Variants in FAT4 observed in about 807,000 individuals in gnomAD.
The protein encoded by FAT4 is FAT atypical cadherin 4.
In FAT4, 84 loss-of-function variants were observed where a neutral mutation model predicts 303.9. That is an observed-to-expected ratio of 0.28 (90% CI 0.23 to 0.33). FAT4 has a LOEUF of 0.33. Among genes scored for constraint, FAT4 ranks in the 10% least tolerant of loss-of-function variants. The probability of loss-of-function intolerance (pLI) is 1.00; values close to 1 mark genes in which losing one functional copy is unlikely to be tolerated. For synonymous variants in FAT4, 2,307 were observed against 2,298.8 expected (o/e 1.00, Z -0.10); for missense variants, 6,005 against 6,146.8 (o/e 0.98, Z 0.77).
chr4:125,488,504 G>T (rs1290213201), intron 17 of FAT4, among the ~76,000 whole-genome samples: 1 of 152,180 alleles, frequency 6.6e-6, no homozygotes, highest in Admixed American at 6.5e-5. Context: ...TGGCTGAGGA[G>T]TTAGAAAGAA....
Position 125,320,233 on chromosome 4 carries a change from C to T in FAT4, c.3822C>T (p.Asp1274=), listed in dbSNP as rs1730875855. Reference sequence around the variant, plus strand: ...AGGTAACACTAATTGGCAAATTAGACTATGAAGCAACACCTGCCTATTCCC... The same window carrying T: ...AGGTAACACTAATTGGCAAATTAGATTATGAAGCAACACCTGCCTATTCCC... ...SGQVTLIGKL[D]YEATPAYSLV... The change falls in exon 2 of 18, where the codon GAC becomes GAT. Residue 1274 remains aspartate, a synonymous_variant. Transcript: ENST00000394329. The T allele has an allele frequency of 1.5e-5, 25 of 1,614,006 alleles. No homozygotes were observed. The highest frequency in any genetic ancestry group is 2.1e-5 in the Non-Finnish European group (25 of 1,179,986).
Position 125,319,379 on chromosome 4 carries a change from A to G in FAT4, c.2968A>G (p.Asn990Asp). The G allele has an allele frequency of 6.2e-7, 1 of 1,613,198 alleles. No homozygotes were observed. Among genetic ancestry groups the G allele is most frequent in the South Asian group, 1.1e-5 (1 of 91,082 alleles). ...VILTVYVHDV[N>D]DNSPVFDQLS... ...CTTAACAGTTTATGTCCATGATGTA[A>G]ATGACAATTCACCAGTGTTTGACCA... The change falls in exon 2 of 18, where the codon AAT becomes GAT. Residue 990 changes from asparagine to aspartate, a missense_variant. Asn to Asp is a conservative substitution (Grantham distance 23, BLOSUM62 1). Transcript: ENST00000394329.
At chr4:125,403,402 C>A (rs1258162380) in intron 3 of FAT4, among the ~76,000 whole-genome samples, 1 of 152,062 alleles carries the variant, frequency 6.6e-6, no homozygotes, top group Non-Finnish European at 1.5e-5. Flanking sequence ...TTGTAATATA[C>A]AGAATTAAGA....
intron 2 of FAT4, chr4:125,393,844 G>T: frequency 3.0e-6 from 2 of 671,104 alleles, no homozygotes; most frequent in Non-Finnish European, 5.6e-6. Flanking sequence ...TCATGTGTTT[G>T]TCTCTAAATA....
chr4:125,440,599 G>C (rs1392588944), intron 8 of FAT4, among the ~76,000 whole-genome samples: 2 of 73,640 alleles, frequency 2.7e-5, no homozygotes, highest in Admixed American at 1.7e-4. Context: ...GTGTGTGTGT[G>C]TGTGTGTGTG....
chr4:125,428,484 T>A (rs912492329), intron 7 of FAT4, among the ~76,000 whole-genome samples: 1 of 152,180 alleles, frequency 6.6e-6, no homozygotes, highest in African/African-American at 2.4e-5. Context: ...AAGATTAACC[T>A]GTGCACAGTC....
chr4:125,323,667 ATAT>A (rs1731042726), intron 2 of FAT4, among the ~76,000 whole-genome samples: 1 of 152,182 alleles, frequency 6.6e-6, no homozygotes, highest in African/African-American at 2.4e-5. Flanking sequence ...CTAGAATTTC[ATAT>A]TATTATTGGT....
chr4:125,479,700 T>A (rs1488427495), intron 14 of FAT4, 41 bp from the exon 15 acceptor site: 1 of 1,475,070 alleles, frequency 6.8e-7, no homozygotes, highest in Non-Finnish European at 9.1e-7. Context: ...CTTCTCCTCA[T>A]CTTTTATGTG....
rs1197394937 is a variant in FAT4, at chr4:125,371,148, CA to C, written c.5176-27618del. ...GGGCAATGAGAGCTAAACTCCATCT[CA>C]AAAAAAAAAAAAAAAAAGAAGAAGT... On this transcript the variant is annotated intron_variant, in intron 2 of 17. Coordinates refer to ENST00000394329, the MANE Select transcript of FAT4 (RefSeq NM_001291303.3). Among the ~76,000 whole-genome samples, 307 of 97,976 alleles carry C rather than the reference CA, an allele frequency of 3.1e-3. 1 individual carries two copies. The highest frequency in any genetic ancestry group is 7.9e-3 in the East Asian group (23 of 2,922). The allele number at this position is 97,976 out of a possible 152,430, so 64.3% of individuals were successfully genotyped here. A position where few individuals can be genotyped will look rare whatever the true frequency, so the allele number is the denominator to read the frequency against.
At chr4:125,440,610 T>TGTGTGTGAGAGAGAGAGAGAGAGA (rs372756130) in intron 8 of FAT4, among the ~76,000 whole-genome samples, 54 of 75,746 alleles carry the variant, frequency 7.1e-4, no homozygotes, top group East Asian at 2.3e-3. Context: ...TGTGTGTGTG[T>TGTGTGTGAGAGAGAGAGAGAGAGA]GAGAGAGAGA....
intron 3 of FAT4, among the ~76,000 whole-genome samples, chr4:125,400,486 T>C (rs1420572714): frequency 2.0e-5 from 3 of 152,044 alleles, no homozygotes; most frequent in African/African-American, 7.2e-5. Context: ...AGTATTAGTA[T>C]AAATGCAATG....
intron 11 of FAT4, among the ~76,000 whole-genome samples, chr4:125,464,786 C>T (rs989352289): frequency 2.6e-5 from 4 of 152,022 alleles, no homozygotes; most frequent in African/African-American, 4.8e-5. Context: ...TTTGTCCTTG[C>T]GATAGTTTGC....
In FAT4 at chr4:125,381,689, G is replaced by A. The variant is rs1031381800; in HGVS notation, c.5176-17095G>A. On this transcript the variant is annotated intron_variant, in intron 2 of 17. Transcript: ENST00000394329. Reference sequence around the variant, plus strand: ...GTTGTGGTGGCTGTGGCAATTTTGTGAAATAAGACAACAATGAAGTTTGCG... The same window carrying A: ...GTTGTGGTGGCTGTGGCAATTTTGTAAAATAAGACAACAATGAAGTTTGCG... 2.6e-5 allele frequency among the ~76,000 whole-genome samples: 4 copies of A among 152,200 alleles called. No individual in the cohort carries two copies. The South Asian group carries it at 8.3e-4, about 32-fold the overall frequency.
rs753001660 is a variant in FAT4 at position 125,415,387 on chromosome 4, G to T, written c.6424G>T (p.Val2142Phe). Residue 2142 changes from valine to phenylalanine, a missense_variant, in exon 6 of 18, where the codon GTT becomes TTT. Coordinates refer to ENST00000394329, the MANE Select transcript of FAT4 (RefSeq NM_001291303.3). ...PSLSSSTEVV[V>F]MVLDINDNNP... Reference sequence around the variant, plus strand: ...TCTCTCTTCATCTACAGAGGTTGTAGTTATGGTACTTGACATCAATGATAA... The same window carrying T: ...TCTCTCTTCATCTACAGAGGTTGTATTTATGGTACTTGACATCAATGATAA... 11 of 1,614,036 alleles carry T rather than the reference G, an allele frequency of 6.8e-6. No individual in the cohort carries two copies. Among genetic ancestry groups the T allele is most frequent in the South Asian group, 3.3e-5 (3 of 91,080 alleles).
chr4:125,468,141 A>T (rs910364725), intron 11 of FAT4, among the ~76,000 whole-genome samples: 1 of 152,088 alleles, frequency 6.6e-6, no homozygotes, highest in African/African-American at 2.4e-5. Context: ...ACAAGAGCAA[A>T]ACTCTGTCCC....
intron 7 of FAT4, among the ~76,000 whole-genome samples, chr4:125,421,586 C>A (rs990606880): frequency 6.6e-6 from 1 of 152,018 alleles, no homozygotes; most frequent in Non-Finnish European, 1.5e-5. Flanking sequence ...AATTAATGTG[C>A]GAGAAAGCAG....
At chr4:125,473,118 A>G (rs1211611881) in intron 12 of FAT4, among the ~76,000 whole-genome samples, 4 of 152,144 alleles carry the variant, frequency 2.6e-5, no homozygotes, top group Non-Finnish European at 4.4e-5. Flanking sequence ...TTTTAATTCT[A>G]ATATGCCCAC....
At chr4:125,327,394 A>C (rs980878631) in intron 2 of FAT4, among the ~76,000 whole-genome samples, 2 of 152,134 alleles carry the variant, frequency 1.3e-5, no homozygotes, top group Non-Finnish European at 1.5e-5. Context: ...ATGGAGTGTG[A>C]AGATTATTTT....
chr4:125,349,435 A>T (rs911598250), intron 2 of FAT4, among the ~76,000 whole-genome samples: 8 of 151,656 alleles, frequency 5.3e-5, no homozygotes, highest in Admixed American at 2.0e-4. Context: ...AATGACAGAG[A>T]TGGACTATTA....
Sources: gnomAD v4.1 joint callset for allele counts (sites outside exome capture counted in the v4.1 genomes callset) on GRCh38, gnomAD v4.1.1 for gene constraint, MANE v1.5 for transcripts, NCBI Gene and HGNC (gene_info 2026-07-23, HGNC 2026-07-21) for gene names.